LRP1B: variants seen among roughly 807,000 people sequenced by gnomAD.
LRP1B encodes low-density lipoprotein receptor-related protein 1B.
A neutral mutation model predicts 556.6 loss-of-function variants in LRP1B; 217 were observed. The ratio of observed to expected loss-of-function variants is 0.39; its 90% CI spans 0.35 to 0.44. The LOEUF (loss-of-function observed/expected upper bound fraction) is 0.44. LRP1B is among the 20% of genes least tolerant of loss of function. The pLI is 1.00. For missense variants in LRP1B, 5,053 were observed against 5,620.8 expected, an observed-to-expected ratio of 0.90 and a Z score of 3.23; for synonymous variants, 2,047 against 1,865.8, an observed-to-expected ratio of 1.10 and a Z score of -2.50.
intron 2 of LRP1B, among the ~76,000 whole-genome samples, chr2:141,602,216 T>C (rs961506784): frequency 6.6e-6 from 1 of 152,186 alleles, no homozygotes; most frequent in African/African-American, 2.4e-5. Flanking sequence ...TCTGCAATAG[T>C]ATTCTGAGAA....
At chr2:140,992,474 T>C (rs937089754) in intron 16 of LRP1B, 1 of 152,132 alleles carries the variant, frequency 6.6e-6, no homozygotes, top group African/African-American at 2.4e-5. Context: ...ATTTGCACTC[T>C]GCTCAGGCAT....
intron 1 of LRP1B, among the ~76,000 whole-genome samples, chr2:142,027,122 T>C (rs1188477158): frequency 6.6e-6 from 1 of 151,974 alleles, no homozygotes; most frequent in Non-Finnish European, 1.5e-5. Context: ...GTGGGTGCAT[T>C]GTAAGTCGCA....
chr2:140,701,919 A>G, intron 39 of LRP1B, 74 bp from the exon 40 acceptor site: 1 of 1,570,598 alleles, frequency 6.4e-7, no homozygotes, highest in Non-Finnish European at 8.7e-7. Flanking sequence ...TAAGCTGAAG[A>G]TAACAGATGG....
intron 7 of LRP1B, among the ~76,000 whole-genome samples, chr2:141,186,941 T>G (rs1179164567): frequency 1.3e-5 from 2 of 151,960 alleles, no homozygotes; most frequent in Non-Finnish European, 2.9e-5. Context: ...ACACAATAGT[T>G]TTATAGTTTC....
At position 140,844,766 on chromosome 2, in the gene LRP1B, A is replaced by G. The variant is rs867907400; in HGVS notation, c.4940-3674T>C. Among the ~76,000 whole-genome samples, 2 of 152,192 alleles carry G rather than the reference A, an allele frequency of 1.3e-5. 1 individual carries two copies. Among genetic ancestry groups the G allele is most frequent in the South Asian group, 4.1e-4 (2 of 4,836 alleles). The stretch of plus-strand genomic sequence containing the variant: ...TTATTGCCACAACACTGATGCATGA[A>G]AAATTGTAATTTTCAAATGCATTGT... On this transcript the variant is annotated intron_variant, in intron 29 of 90. Coordinates refer to ENST00000389484, the MANE Select transcript of LRP1B (RefSeq NM_018557.3).
intron 43 of LRP1B, among the ~76,000 whole-genome samples, chr2:140,570,433 G>T (rs924523055): frequency 6.6e-6 from 1 of 151,380 alleles, no homozygotes; most frequent in Admixed American, 6.6e-5. Context: ...AACAGAAAGG[G>T]ATACATTTAT....
intron 7 of LRP1B, among the ~76,000 whole-genome samples, chr2:141,147,848 G>A (rs7586992): frequency 2.6e-5 from 4 of 152,146 alleles, no homozygotes; most frequent in African/African-American, 7.2e-5. Flanking sequence ...TTATAATACC[G>A]TATTTTTCCT....
Position 141,492,091 on chromosome 2 carries a change from A to AAAAAAC in LRP1B, c.206-11559_206-11558insGTTTTT, listed in dbSNP as rs67960557. On this transcript the variant is annotated intron_variant, in intron 2 of 90. Coordinates refer to ENST00000389484, the MANE Select transcript of LRP1B (RefSeq NM_018557.3). ...TATTTAGCTTTCTGAAAAAAAAAAA[A>AAAAAAC]CACTAAGAAAACCAACATTTGATGA... Among the ~76,000 whole-genome samples, 186 of 100,192 alleles carry AAAAAAC rather than the reference A, an allele frequency of 1.9e-3. 8 individuals are homozygous for AAAAAAC. Among genetic ancestry groups the AAAAAAC allele is most frequent in the African/African-American group, 3.5e-3 (91 of 25,904 alleles). The allele number at this position is 100,192 out of a possible 152,430, so 65.7% of individuals were successfully genotyped here. A position where few individuals can be genotyped will look rare whatever the true frequency, so the allele number is the denominator to read the frequency against.
chr2:141,902,804 C>T (rs1269597433), intron 1 of LRP1B, among the ~76,000 whole-genome samples: 2 of 151,904 alleles, frequency 1.3e-5, no homozygotes, highest in African/African-American at 2.4e-5. Flanking sequence ...TCATTAGAAG[C>T]CTACACTTAC....
At chr2:141,210,311 T>A (rs974640556) in intron 6 of LRP1B, among the ~76,000 whole-genome samples, 2 of 152,010 alleles carry the variant, frequency 1.3e-5, no homozygotes, top group Non-Finnish European at 2.9e-5. Flanking sequence ...ATAAAAATTT[T>A]AAAATGACAA....
At chr2:141,923,566 C>T (rs1700256455) in intron 1 of LRP1B, among the ~76,000 whole-genome samples, 1 of 146,518 alleles carries the variant, frequency 6.8e-6, no homozygotes, top group South Asian at 2.2e-4. Context: ...CTTACCAAAG[C>T]AAATTTCCAG....
chr2:141,127,427 G>A (rs190208253), intron 7 of LRP1B, among the ~76,000 whole-genome samples: 1 of 152,178 alleles, frequency 6.6e-6, no homozygotes, highest in East Asian at 1.9e-4. Context: ...CTACTATAAA[G>A]ACAGATGCAC....
intron 66 of LRP1B, among the ~76,000 whole-genome samples, chr2:140,416,560 G>A (rs1437579083): frequency 6.6e-6 from 1 of 152,086 alleles, no homozygotes; most frequent in East Asian, 1.9e-4. Context: ...GGAGGCTGAG[G>A]TGGGAGTATG....
intron 1 of LRP1B, among the ~76,000 whole-genome samples, chr2:141,952,027 T>G (rs1701121126): frequency 8.4e-6 from 1 of 119,540 alleles, no homozygotes. Context: ...CAGGCCCCGG[T>G]GTGTGATGTT....
At chr2:140,783,073 AT>A (rs1689757302) in intron 32 of LRP1B, among the ~76,000 whole-genome samples, 1 of 152,214 alleles carries the variant, frequency 6.6e-6, no homozygotes, top group Admixed American at 6.5e-5. Context: ...AGTAATATAA[AT>A]TGAATTAAAG....
At chr2:140,355,190 T>C (rs586368) in intron 75 of LRP1B, among the ~76,000 whole-genome samples, 4,852 of 151,916 alleles carry the variant, frequency 0.032, 248 homozygotes, top group African/African-American at 0.11. Flanking sequence ...ATATAATTTC[T>C]AAATTTAGTA....
At chr2:140,506,982 G>A (rs2104908167) in intron 52 of LRP1B, 64 bp from the exon 53 acceptor site, 1 of 1,485,416 alleles carries the variant, frequency 6.7e-7, no homozygotes. Flanking sequence ...CCTATATTAG[G>A]AGCTTGGGGA....
rs551392151 is a variant in LRP1B, at chr2:141,466,772, C to T, written c.343+13624G>A. Among the ~76,000 whole-genome samples, 8 of 151,866 alleles carry T rather than the reference C, an allele frequency of 5.3e-5. No individual in the cohort carries two copies. The South Asian group carries it at 8.3e-4, about 16-fold the overall frequency. On this transcript the variant is annotated intron_variant, in intron 3 of 90. Coordinates refer to ENST00000389484, the MANE Select transcript of LRP1B (RefSeq NM_018557.3). ...GGGAGTCTGGGACCCGAGTCACATA[C>T]GGAATTGCCTTACCTTCAATGGAAT...
At chr2:141,620,487 C>T (rs1688462261) in intron 2 of LRP1B, among the ~76,000 whole-genome samples, 1 of 152,092 alleles carries the variant, frequency 6.6e-6, no homozygotes, top group South Asian at 2.1e-4. Context: ...GTAGAAGAGG[C>T]AATACAGGTT....
Sources: gnomAD v4.1 joint callset for allele counts (sites outside exome capture counted in the v4.1 genomes callset) on GRCh38, gnomAD v4.1.1 for gene constraint, MANE v1.5 for transcripts, NCBI Gene and HGNC (gene_info 2026-07-23, HGNC 2026-07-21) for gene names.